IARS1: variants seen among roughly 807,000 people sequenced by gnomAD.
The protein encoded by IARS1 is isoleucine--tRNA ligase, cytoplasmic.
IARS1 carries 124 observed loss-of-function variants against 168.2 expected under a neutral mutation model. The observed-to-expected ratio is 0.74, with a 90% CI of 0.64 to 0.86. IARS1 has a LOEUF of 0.86. Ranked by LOEUF, IARS1 falls within the 40% of genes least tolerant of loss-of-function variation. The pLI is 0.00. For synonymous variants in IARS1, 532 were observed against 529.4 expected (o/e 1.00, Z -0.07); for missense variants, 1,452 against 1,515.8 (o/e 0.96, Z 0.70).
At chr9:92,213,620 C>G (rs1458229384) in intron 33 of IARS1, among the ~76,000 whole-genome samples, 1 of 152,210 alleles carries the variant, frequency 6.6e-6, no homozygotes, top group African/African-American at 2.4e-5. Flanking sequence ...TGTGGCCTTT[C>G]TGACACCCTA....
intron 22 of IARS1, 63 bp downstream of exon 22, chr9:92,251,745 G>GC (rs1830034182): frequency 2.8e-6 from 3 of 1,087,118 alleles, no homozygotes; most frequent in Non-Finnish European, 2.8e-6. Context: ...GGATGCTGCA[G>GC]CAAGTAGGTG....
intron 17 of IARS1, 78 bp downstream of exon 17, chr9:92,262,891 T>C (rs745549562): frequency 3.0e-6 from 3 of 1,009,602 alleles, no homozygotes; most frequent in Admixed American, 1.8e-5. Context: ...TACAACAAAG[T>C]TGACCGCTCT....
chr9:92,214,272 T>C (rs1051587344), intron 33 of IARS1, among the ~76,000 whole-genome samples: 7 of 151,320 alleles, frequency 4.6e-5, no homozygotes, highest in Admixed American at 1.3e-4. Context: ...AAGAATAGAA[T>C]GGTCTGGGTG....
At chr9:92,284,997 C>T (rs1399298019) in intron 6 of IARS1, among the ~76,000 whole-genome samples, 1 of 152,240 alleles carries the variant, frequency 6.6e-6, no homozygotes. Flanking sequence ...TATGTGAAAG[C>T]ATTCTATAAA....
At chr9:92,262,734 CTATTT>C (rs1371316172) in intron 17 of IARS1, among the ~76,000 whole-genome samples, 2 of 152,136 alleles carry the variant, frequency 1.3e-5, no homozygotes, top group African/African-American at 4.8e-5. Context: ...TTAGTAAATG[CTATTT>C]TATTACTAGT....
At chr9:92,251,952 T>C (rs1260702617) in intron 21 of IARS1, 67 bp from the exon 22 acceptor site, 3 of 1,191,350 alleles carry the variant, frequency 2.5e-6, no homozygotes, top group Non-Finnish European at 3.7e-6. Context: ...AAAAAATAAG[T>C]TTATTAAAAA....
In IARS1 at chr9:92,256,809, G is replaced by A. The variant is rs368660582; in HGVS notation, c.2017-9C>T. On this transcript the variant is annotated splice_polypyrimidine_tract_variant and intron_variant, in intron 19 of 33. Coordinates refer to ENST00000443024, the MANE Select transcript of IARS1 (RefSeq NM_002161.6). ...AATTCTATTTCTTCCTCCTAGGAAG[G>A]AACAATTAATGAAACACTGGCACAC... 24 of 1,603,740 alleles carry A rather than the reference G, an allele frequency of 1.5e-5. No individual in the cohort carries two copies. Among genetic ancestry groups the A allele is most frequent in the Non-Finnish European group, 2.0e-5 (24 of 1,173,458 alleles).
chr9:92,217,136 A>G (rs1838848453), intron 33 of IARS1, among the ~76,000 whole-genome samples: 1 of 151,604 alleles, frequency 6.6e-6, no homozygotes, highest in Non-Finnish European at 1.5e-5. Flanking sequence ...AAACCGCTCA[A>G]CTACATGGAA....
intron 33 of IARS1, among the ~76,000 whole-genome samples, chr9:92,215,123 C>T (rs185922537): frequency 3.3e-5 from 5 of 152,312 alleles, no homozygotes; most frequent in South Asian, 4.1e-4. Context: ...CCCTGACCCC[C>T]GAGCAGCCTA....
At chr9:92,258,303 G>C (rs1163970261) in intron 19 of IARS1, among the ~76,000 whole-genome samples, 2 of 152,166 alleles carry the variant, frequency 1.3e-5, no homozygotes, top group Non-Finnish European at 2.9e-5. Context: ...CCAAGAACTG[G>C]CTGACGAAGC....
At chr9:92,282,787 A>G (rs1266861990) in intron 6 of IARS1, among the ~76,000 whole-genome samples, 1 of 150,764 alleles carries the variant, frequency 6.6e-6, no homozygotes, top group Non-Finnish European at 1.5e-5. Context: ...AAATAAATAA[A>G]AGTTTTAAGC....
Position 92,210,833 on chromosome 9 carries a change from C to T in IARS1, c.3763G>A (p.Val1255Met). The part of the protein sequence containing the change: ...TLNMKTVYVS[V>M]LPTTADF ...TAGAAGTCTGCTGTTGTTGGTAACA[C>T]AGAAACATACACAGTCTTCATATTC... Residue 1255 changes from valine to methionine, a missense_variant, in exon 34 of 34, where the codon GTG becomes ATG. Physicochemically the swap from Val to Met is conservative, Grantham distance 21. Transcript: ENST00000443024. The T allele has an allele frequency of 3.7e-6, 6 of 1,611,396 alleles. No individual in the cohort carries two copies. The highest frequency in any genetic ancestry group is 5.1e-6 in the Non-Finnish European group (6 of 1,177,538).
intron 33 of IARS1, among the ~76,000 whole-genome samples, chr9:92,213,112 C>T (rs1004045442): frequency 4.0e-5 from 6 of 151,464 alleles, no homozygotes; most frequent in South Asian, 2.1e-4. Context: ...TTTAAAAGTA[C>T]GATATGCAAC....
At chr9:92,278,151 C>T in intron 8 of IARS1, 48 bp downstream of exon 8, 2 of 1,207,474 alleles carry the variant, frequency 1.7e-6, no homozygotes, top group East Asian at 2.3e-5. Flanking sequence ...TAAAGACACA[C>T]ATACAGACAC....
At chr9:92,246,549 C>T (rs1266410062) in intron 26 of IARS1, among the ~76,000 whole-genome samples, 2 of 152,200 alleles carry the variant, frequency 1.3e-5, no homozygotes, top group Admixed American at 1.3e-4. Context: ...TTACCCTACA[C>T]CTTCCCTTTA....
At chr9:92,276,557 G>A (rs905358335) in intron 9 of IARS1, among the ~76,000 whole-genome samples, 2 of 152,186 alleles carry the variant, frequency 1.3e-5, no homozygotes, top group African/African-American at 4.8e-5. Flanking sequence ...AAACACTCAA[G>A]AGGCACAAAA....
chr9:92,239,551 G>A (rs946999836), intron 30 of IARS1, among the ~76,000 whole-genome samples: 15 of 145,676 alleles, frequency 1.0e-4, no homozygotes, highest in Admixed American at 1.4e-4. Context: ...TGGGTTTCAC[G>A]CATACCTTAA....
rs746626200 is a variant in IARS1, at chr9:92,243,224, G to A, written c.2992C>T (p.Arg998Cys). Residue 998 changes from arginine to cysteine, a missense_variant, in exon 28 of 34, where the codon CGC becomes TGC. Coordinates refer to ENST00000443024, the MANE Select transcript of IARS1 (RefSeq NM_002161.6). Reference protein sequence around the residue: ...REVINRIQKLRKKCNLVPTDE... With the variant: ...REVINRIQKLCKKCNLVPTDE... ...TTAACTGACAAACTAACCTTTTTGC[G>A]AAGTTTCTGTATGCGATTGATGACT... 20 of 1,612,490 alleles carry A rather than the reference G, an allele frequency of 1.2e-5. No individual in the cohort carries two copies. The South Asian group carries it at 1.3e-4, about 11-fold the overall frequency.
intron 6 of IARS1, among the ~76,000 whole-genome samples, chr9:92,281,701 G>C (rs1422829827): frequency 1.3e-5 from 2 of 151,198 alleles, no homozygotes; most frequent in Non-Finnish European, 2.9e-5. Context: ...AAATATCAAG[G>C]ATTTAAAAAT....
Sources: gnomAD v4.1 joint callset for allele counts (sites outside exome capture counted in the v4.1 genomes callset) on GRCh38, gnomAD v4.1.1 for gene constraint, MANE v1.5 for transcripts, NCBI Gene and HGNC (gene_info 2026-07-23, HGNC 2026-07-21) for gene names.